SPON1: variants seen among roughly 807,000 people sequenced by gnomAD.
The protein encoded by SPON1 is spondin 1, also known as spondin-1.
In SPON1, 52 loss-of-function variants were observed where a neutral mutation model predicts 111.7. That is an observed-to-expected ratio of 0.47 (90% CI 0.37 to 0.59). SPON1 has a LOEUF of 0.59. Among genes scored for constraint, SPON1 ranks in the 20% least tolerant of loss-of-function variants. SPON1 has a pLI of 0.00. For missense variants in SPON1, 957 were observed against 1,068.5 expected, an observed-to-expected ratio of 0.90 and a Z score of 1.46; for synonymous variants, 410 against 395.8, an observed-to-expected ratio of 1.04 and a Z score of -0.43.
chr11:14,019,362 T>A (rs1456970476), intron 2 of SPON1, among the ~76,000 whole-genome samples: 1 of 150,384 alleles, frequency 6.6e-6, no homozygotes, highest in East Asian at 1.9e-4. Flanking sequence ...ATTAATTATA[T>A]ATTATACGTA....
intron 7 of SPON1, among the ~76,000 whole-genome samples, chr11:14,251,194 A>T (rs1554940635): frequency 6.6e-6 from 1 of 152,228 alleles, no homozygotes; most frequent in Admixed American, 6.5e-5. Flanking sequence ...CAAGGATAAG[A>T]GAAAGCTGCA....
rs543060893 is a variant in SPON1 at position 13,983,474 on chromosome 11, T to C, written c.345+521T>C. Among the ~76,000 whole-genome samples the C allele has an allele frequency of 2.0e-5, 3 of 152,322 alleles. No individual in the cohort carries two copies. The South Asian group carries it at 6.2e-4, about 32-fold the overall frequency. ...TTAAGAGGTGGTAATGGTCTTTAAA[T>C]GTCAGTCCTCACAGAACAACCTCCT... On this transcript the variant is annotated intron_variant, in intron 2 of 15. Coordinates refer to ENST00000576479, the MANE Select transcript of SPON1 (RefSeq NM_006108.4).
chr11:14,054,226 G>T (rs1197757156), intron 3 of SPON1, among the ~76,000 whole-genome samples: 1 of 152,086 alleles, frequency 6.6e-6, no homozygotes, highest in African/African-American at 2.4e-5. Context: ...AGGAGAAAAA[G>T]CTCCTTTATG....
intron 2 of SPON1, among the ~76,000 whole-genome samples, chr11:14,039,783 A>G (rs974993765): frequency 6.6e-6 from 1 of 152,188 alleles, no homozygotes; most frequent in East Asian, 1.9e-4. Context: ...GGTAAGACTA[A>G]CCTCTGGGTG....
At chr11:14,026,417 G>C (rs1311380295) in intron 2 of SPON1, among the ~76,000 whole-genome samples, 1 of 152,188 alleles carries the variant, frequency 6.6e-6, no homozygotes, top group Non-Finnish European at 1.5e-5. Flanking sequence ...ACCATATTCA[G>C]TAAGATATAC....
intron 6 of SPON1, among the ~76,000 whole-genome samples, chr11:14,182,459 T>C (rs1848244442): frequency 6.6e-6 from 1 of 152,160 alleles, no homozygotes; most frequent in African/African-American, 2.4e-5. Context: ...CAAATACCTG[T>C]CATTCAGTCC....
At chr11:14,218,225 C>T (rs1554937292) in intron 6 of SPON1, among the ~76,000 whole-genome samples, 2 of 152,136 alleles carry the variant, frequency 1.3e-5, no homozygotes, top group Admixed American at 6.5e-5. Flanking sequence ...AGGAGATAGG[C>T]GACCTGGAAA....
At chr11:14,162,563 A>G (rs1847978703) in intron 6 of SPON1, among the ~76,000 whole-genome samples, 1 of 152,220 alleles carries the variant, frequency 6.6e-6, no homozygotes, top group Non-Finnish European at 1.5e-5. Context: ...CCTGAGTTTT[A>G]CAACTTTTCC....
At chr11:14,208,956 G>C (rs1248119771) in intron 6 of SPON1, among the ~76,000 whole-genome samples, 2 of 151,976 alleles carry the variant, frequency 1.3e-5, no homozygotes, top group Non-Finnish European at 2.9e-5. Flanking sequence ...TTATATTCTT[G>C]GCATTTTGTT....
chr11:14,010,937 G>A (rs1351756028), intron 2 of SPON1, among the ~76,000 whole-genome samples: 4 of 152,156 alleles, frequency 2.6e-5, no homozygotes, highest in South Asian at 2.1e-4. Context: ...CTTGATAAAC[G>A]GCAATATAGT....
intron 7 of SPON1, among the ~76,000 whole-genome samples, chr11:14,254,313 G>C (rs1554940935): frequency 6.6e-6 from 1 of 152,312 alleles, no homozygotes; most frequent in Non-Finnish European, 1.5e-5. Flanking sequence ...ACTGGATAGG[G>C]TGGTAGTATA....
At chr11:14,201,460 A>G in intron 6 of SPON1, among the ~76,000 whole-genome samples, 1 of 151,520 alleles carries the variant, frequency 6.6e-6, no homozygotes, top group African/African-American at 2.4e-5. Flanking sequence ...GTGCAGTGGC[A>G]CAGTCTCAGC....
intron 2 of SPON1, among the ~76,000 whole-genome samples, chr11:14,037,637 C>T (rs1446382203): frequency 1.3e-5 from 2 of 151,730 alleles, no homozygotes; most frequent in Non-Finnish European, 2.9e-5. Context: ...TCCTAGAAGA[C>T]AACACAGAAG....
chr11:14,150,773 C>T (rs1353723239), intron 6 of SPON1, among the ~76,000 whole-genome samples: 1 of 152,194 alleles, frequency 6.6e-6, no homozygotes, highest in African/African-American at 2.4e-5. Context: ...TACAGTGCAA[C>T]TAAGGCTAGG....
chr11:14,226,465 A>G (rs1475388544), intron 6 of SPON1, among the ~76,000 whole-genome samples: 1 of 152,218 alleles, frequency 6.6e-6, no homozygotes, highest in Non-Finnish European at 1.5e-5. Context: ...CGAGTGGTTG[A>G]CTGGGAGCTG....
chr11:14,005,753 T>G (rs1848354633), intron 2 of SPON1, among the ~76,000 whole-genome samples: 2 of 152,172 alleles, frequency 1.3e-5, no homozygotes, highest in Non-Finnish European at 2.9e-5. Context: ...ATAATTCTGA[T>G]CTCAATGCCT....
chr11:14,267,182 A>G lies in SPON1; in HGVS notation c.*1495A>G, dbSNP rs1849281210. 1.3e-5 allele frequency: 2 copies of G among 152,234 alleles called. No homozygotes were observed. Among genetic ancestry groups the G allele is most frequent in the South Asian group, 4.1e-4 (2 of 4,832 alleles). 9.4% of individuals were successfully genotyped at this position (152,234 alleles called of 1,614,324 possible). ...CCTGAATATGTACTTTTAACACAAGAGAGACTATTCAATAAAAACTCACTG... is the reference window on the plus strand; with the variant it reads ...CCTGAATATGTACTTTTAACACAAGGGAGACTATTCAATAAAAACTCACTG... On this transcript the variant is annotated 3_prime_UTR_variant, in exon 16 of 16. Transcript: ENST00000576479.
At chr11:14,218,220 A>G (rs1848644880) in intron 6 of SPON1, among the ~76,000 whole-genome samples, 2 of 152,134 alleles carry the variant, frequency 1.3e-5, no homozygotes, top group Admixed American at 6.5e-5. Flanking sequence ...TTACAAGGAG[A>G]TAGGCGACCT....
In SPON1 at chr11:13,962,797, CCT is replaced by C. The variant is rs1305375364; in HGVS notation, c.-102_-101del. On this transcript the variant is annotated 5_prime_UTR_variant, in exon 1 of 16. Coordinates refer to ENST00000576479, the MANE Select transcript of SPON1 (RefSeq NM_006108.4). ...AGTCGCGGACGCCAGCTCCGAGCTC[CCT>C]CTCTCCGCCGCGCCTCCGCCAGGTC... 9.3e-7 allele frequency: 1 copy of C among 1,078,290 alleles called. No individual in the cohort carries two copies. The highest frequency in any genetic ancestry group is 1.3e-6 in the Non-Finnish European group (1 of 797,864). 66.8% of individuals were successfully genotyped at this position (1,078,290 alleles called of 1,614,324 possible). A position where few individuals can be genotyped will look rare whatever the true frequency, so the allele number is the denominator to read the frequency against.
Sources: allele counts gnomAD v4.1 joint callset (sites outside exome capture counted in the v4.1 genomes callset), GRCh38; gene constraint gnomAD v4.1.1; transcripts MANE v1.5; gene names NCBI Gene and HGNC (gene_info 2026-07-23, HGNC 2026-07-21).